Variants in DENND1A observed in about 807,000 individuals in gnomAD.
DENND1A encodes DENN domain containing 1A.
In DENND1A, 51 loss-of-function variants were observed where a neutral mutation model predicts 113.7. That is an observed-to-expected ratio of 0.45 (90% CI 0.36 to 0.57). The LOEUF is 0.57. DENND1A is among the 20% of genes least tolerant of loss of function. The probability of loss-of-function intolerance (pLI) is 0.00; values close to 1 mark genes in which losing one functional copy is unlikely to be tolerated. For missense variants in DENND1A, 1,258 were observed against 1,395.9 expected, an observed-to-expected ratio of 0.90 and a Z score of 1.57; for synonymous variants, 565 against 570.8, an observed-to-expected ratio of 0.99 and a Z score of 0.14.
intron 10 of DENND1A, among the ~76,000 whole-genome samples, chr9:123,616,434 T>C (rs1249984798): frequency 5.9e-5 from 9 of 152,252 alleles, no homozygotes; most frequent in Admixed American, 3.9e-4. Context: ...AGTGGGTTCA[T>C]AGTCAGAATA....
At chr9:123,793,933 C>T (rs1195960322) in intron 2 of DENND1A, among the ~76,000 whole-genome samples, 1 of 152,176 alleles carries the variant, frequency 6.6e-6, no homozygotes. Context: ...GTGTATTTTG[C>T]TTGACTTAAA....
chr9:123,574,807 G>A (rs139480847), intron 12 of DENND1A, among the ~76,000 whole-genome samples: 11 of 152,312 alleles, frequency 7.2e-5, no homozygotes, highest in African/African-American at 2.6e-4. Context: ...AGTGGGGTGG[G>A]TTGGACAAGC....
At chr9:123,463,193 A>C (rs2048672177) in intron 13 of DENND1A, among the ~76,000 whole-genome samples, 1 of 152,246 alleles carries the variant, frequency 6.6e-6, no homozygotes, top group African/African-American at 2.4e-5. Context: ...TCACATTAGC[A>C]GAGTTTTCCA....
At chr9:123,512,754 C>G (rs1274991981) in intron 13 of DENND1A, among the ~76,000 whole-genome samples, 1 of 152,196 alleles carries the variant, frequency 6.6e-6, no homozygotes, top group East Asian at 1.9e-4. Flanking sequence ...GAAGGAGGGG[C>G]AGATTTGGAG....
intron 5 of DENND1A, among the ~76,000 whole-genome samples, chr9:123,730,490 CA>C (rs1419387579): frequency 1.3e-5 from 2 of 151,812 alleles, no homozygotes; most frequent in East Asian, 3.9e-4. Context: ...ATACAGCCAA[CA>C]AACATATGAA....
chr9:123,863,611 AC>A (rs1016012681), intron 2 of DENND1A, among the ~76,000 whole-genome samples: 1 of 152,240 alleles, frequency 6.6e-6, no homozygotes, highest in African/African-American at 2.4e-5. Flanking sequence ...AAAAAAAAAA[AC>A]AACTTTGGTT....
At chr9:123,627,954 T>A (rs1437088592) in intron 10 of DENND1A, among the ~76,000 whole-genome samples, 1 of 152,038 alleles carries the variant, frequency 6.6e-6, no homozygotes, top group Non-Finnish European at 1.5e-5. Flanking sequence ...TATTTCATCC[T>A]AGAAACAGTT....
intron 2 of DENND1A, among the ~76,000 whole-genome samples, chr9:123,845,556 G>T (rs1842467341): frequency 6.6e-6 from 1 of 151,206 alleles, no homozygotes; most frequent in African/African-American, 2.4e-5. Context: ...TGTAGTCCCA[G>T]CTACTTGCAA....
chr9:123,596,811 T>C (rs2059714094), intron 11 of DENND1A, among the ~76,000 whole-genome samples: 2 of 152,222 alleles, frequency 1.3e-5, no homozygotes, highest in African/African-American at 2.4e-5. Flanking sequence ...ATAACTGTGT[T>C]TGAATCCTGC....
At chr9:123,737,338 G>A (rs2130993479) in intron 5 of DENND1A, among the ~76,000 whole-genome samples, 1 of 152,200 alleles carries the variant, frequency 6.6e-6, no homozygotes, top group South Asian at 2.1e-4. Flanking sequence ...TGGAACTACA[G>A]GTGTGCACTA....
intron 13 of DENND1A, among the ~76,000 whole-genome samples, chr9:123,542,157 T>A (rs2056337479): frequency 1.3e-5 from 2 of 152,234 alleles, no homozygotes; most frequent in Admixed American, 6.5e-5. Context: ...ATTTTTGACA[T>A]TCCTGTTAGC....
chr9:123,856,179 C>T (rs1022452883), intron 2 of DENND1A, among the ~76,000 whole-genome samples: 1 of 152,122 alleles, frequency 6.6e-6, no homozygotes, highest in Admixed American at 6.5e-5. Flanking sequence ...CTTTCTCTTC[C>T]TAATTGACAA....
chr9:123,900,192 C>T (rs972758949), intron 1 of DENND1A, among the ~76,000 whole-genome samples: 6 of 152,160 alleles, frequency 3.9e-5, no homozygotes, highest in African/African-American at 1.4e-4. Context: ...AAATATAAAT[C>T]CTGGGAGTTA....
chr9:123,796,436 T>G (rs1331626511), intron 2 of DENND1A, among the ~76,000 whole-genome samples: 2 of 152,194 alleles, frequency 1.3e-5, no homozygotes, highest in Non-Finnish European at 2.9e-5. Flanking sequence ...ACATTTTTTC[T>G]TTTAAGAAAG....
At chr9:123,928,648 G>A (rs1231507212) in intron 1 of DENND1A, 2 of 985,264 alleles carry the variant, frequency 2.0e-6, no homozygotes, top group African/African-American at 1.7e-5. Flanking sequence ...CTGCTGCAGC[G>A]CATCTCATAC....
rs1255461869 is a variant in DENND1A, at chr9:123,457,220, G to C, written c.1186+128C>G. The C allele has an allele frequency of 5.4e-6, 4 of 742,406 alleles. No individual in the cohort carries two copies. The African/African-American group carries it at 7.0e-5, about 13-fold the overall frequency. 46.0% of individuals were successfully genotyped at this position (742,406 alleles called of 1,614,324 possible). A position where few individuals can be genotyped will look rare whatever the true frequency, so the allele number is the denominator to read the frequency against. On this transcript the variant is annotated intron_variant, in intron 15 of 23. Transcript: ENST00000394215. Reference sequence around the variant, plus strand: ...AAGAGGAATTCTTCAAACATTTCAAGGCCAAGCTTGAAAGCAGTCTCTTCC... The same window carrying C: ...AAGAGGAATTCTTCAAACATTTCAACGCCAAGCTTGAAAGCAGTCTCTTCC...
At chr9:123,771,208 G>T (rs929961691) in intron 3 of DENND1A, among the ~76,000 whole-genome samples, 1 of 152,122 alleles carries the variant, frequency 6.6e-6, no homozygotes, top group African/African-American at 2.4e-5. Context: ...TAGATAAACT[G>T]CAATAGGTAA....
intron 10 of DENND1A, among the ~76,000 whole-genome samples, chr9:123,626,547 C>T (rs1449218566): frequency 2.0e-5 from 3 of 151,982 alleles, no homozygotes; most frequent in Non-Finnish European, 4.4e-5. Flanking sequence ...GTTCCTTGTC[C>T]TCCCCTCTAG....
In DENND1A at chr9:123,380,308, TAATA is replaced by T. The variant is rs2042212404; in HGVS notation, c.*1120_*1123del. 1 of 152,530 alleles carries T rather than the reference TAATA, an allele frequency of 6.6e-6. No homozygotes were observed. The highest frequency in any genetic ancestry group is 1.5e-5 in the Non-Finnish European group (1 of 68,034). The allele number at this position is 152,530 out of a possible 1,614,324, so 9.4% of individuals were successfully genotyped here. ...ATAAGGTAAAAAGGAAAAAGAAAGA[TAATA>T]AACATTCAATCTAACTTTGGTGACG... On this transcript the variant is annotated 3_prime_UTR_variant, in exon 24 of 24. Coordinates refer to ENST00000394215, the MANE Select transcript of DENND1A (RefSeq NM_001352964.2).
Sources: allele counts gnomAD v4.1 joint callset (sites outside exome capture counted in the v4.1 genomes callset), GRCh38; gene constraint gnomAD v4.1.1; transcripts MANE v1.5; gene names NCBI Gene and HGNC (gene_info 2026-07-23, HGNC 2026-07-21).